The following CACNA1D variants were observed in gnomAD, a reference collection of about 807,000 sequenced individuals.
The protein encoded by CACNA1D is calcium voltage-gated channel subunit alpha1 D, also known as voltage-dependent L-type calcium channel subunit alpha-1D.
In CACNA1D, 55 loss-of-function variants were observed where a neutral mutation model predicts 257.1. The observed-to-expected ratio is 0.21, with a 90% confidence interval of 0.17 to 0.27. CACNA1D has a LOEUF of 0.27. Ranked by LOEUF, CACNA1D falls within the 10% of genes least tolerant of loss-of-function variation. CACNA1D has a pLI of 1.00. For synonymous variants in CACNA1D, 980 were observed against 1,014.9 expected (o/e 0.97, Z 0.65); for missense variants, 1,876 against 2,784.0 (o/e 0.67, Z 7.34).
intron 3 of CACNA1D, among the ~76,000 whole-genome samples, chr3:53,636,902 G>A (rs182187636): frequency 5.9e-5 from 9 of 152,254 alleles, no homozygotes; most frequent in Admixed American, 6.5e-5. Flanking sequence ...TTCATTCAAC[G>A]GTTAAGGTGA....
chr3:53,526,507 G>A (rs943372354), intron 3 of CACNA1D, among the ~76,000 whole-genome samples: 1 of 152,224 alleles, frequency 6.6e-6, no homozygotes, highest in Non-Finnish European at 1.5e-5. Context: ...TAGAGGTGGG[G>A]TGGAAAACTT....
At chr3:53,772,777 C>T (rs563291453) in intron 32 of CACNA1D, 56 bp from the exon 33 acceptor site, 563 of 1,357,120 alleles carry the variant, frequency 4.1e-4, no homozygotes, top group African/African-American at 2.1e-3. Flanking sequence ...CAGGCTGTGG[C>T]GGGCCGTCAC....
chr3:53,571,829 A>C (rs1211438168), intron 3 of CACNA1D, among the ~76,000 whole-genome samples: 1 of 152,186 alleles, frequency 6.6e-6, no homozygotes, highest in Admixed American at 6.5e-5. Flanking sequence ...GATGACTGTG[A>C]CTGTCCCAAG....
intron 8 of CACNA1D, among the ~76,000 whole-genome samples, chr3:53,684,299 A>G (rs1039822320): frequency 1.3e-5 from 2 of 152,182 alleles, no homozygotes; most frequent in African/African-American, 4.8e-5. Context: ...AAATAATACC[A>G]GATAGAAACG....
chr3:53,501,541 G>A, intron 2 of CACNA1D, 74 bp from the exon 3 acceptor site: 1 of 802,894 alleles, frequency 1.2e-6, no homozygotes. Context: ...TTTGAAAGTG[G>A]TGTGATCGGG....
chr3:53,677,021 A>G (rs762421495), intron 8 of CACNA1D, among the ~76,000 whole-genome samples: 4 of 152,264 alleles, frequency 2.6e-5, no homozygotes, highest in Non-Finnish European at 4.4e-5. Context: ...CAATTCAGAC[A>G]TATTACACGT....
chr3:53,519,623 T>A (rs2091475251), intron 3 of CACNA1D, among the ~76,000 whole-genome samples: 1 of 152,226 alleles, frequency 6.6e-6, no homozygotes, highest in South Asian at 2.1e-4. Flanking sequence ...GTTCATACTT[T>A]TTAAAAGAAG....
chr3:53,657,976 A>G (rs1365921432), intron 4 of CACNA1D, among the ~76,000 whole-genome samples: 1 of 152,238 alleles, frequency 6.6e-6, no homozygotes. Context: ...TCCAAATTTC[A>G]ATAAAGATAT....
At chr3:53,788,349 A>G (rs889365435) in intron 40 of CACNA1D, among the ~76,000 whole-genome samples, 1 of 152,140 alleles carries the variant, frequency 6.6e-6, no homozygotes, top group African/African-American at 2.4e-5. Flanking sequence ...CACGTATCCT[A>G]AAGGTAGCTG....
intron 3 of CACNA1D, among the ~76,000 whole-genome samples, chr3:53,546,269 G>T (rs935562609): frequency 6.6e-6 from 1 of 152,298 alleles, no homozygotes; most frequent in African/African-American, 2.4e-5. Context: ...TGGGAGGGAG[G>T]TGTGGGCCCT....
intron 3 of CACNA1D, among the ~76,000 whole-genome samples, chr3:53,553,830 T>C (rs2092584841): frequency 6.6e-6 from 1 of 151,184 alleles, no homozygotes; most frequent in Non-Finnish European, 1.5e-5. Context: ...AGTTCAAAGG[T>C]TCTTCTAAGG....
chr3:53,804,839 T>C, intron 44 of CACNA1D, 144 bp from the exon 45 acceptor site: 1 of 803,442 alleles, frequency 1.2e-6, no homozygotes, highest in Non-Finnish European at 2.1e-6. Context: ...GAATCTTCCA[T>C]GAAACTGAGG....
At position 53,497,053 on chromosome 3, in the gene CACNA1D, T is replaced by C. The variant is rs1575671089; in HGVS notation, c.68-99T>C. ...AAAATGGAAACATAGGAGTGAATGA[T>C]TCCCCTGTTATTGATGGGAGACAAC... On this transcript the variant is annotated intron_variant, in intron 1 of 47. Coordinates refer to ENST00000350061, the MANE Select transcript of CACNA1D (RefSeq NM_001128840.3). 3.4e-5 allele frequency: 30 copies of C among 883,792 alleles called. No individual in the cohort carries two copies. The East Asian group carries it at 7.1e-4, about 21-fold the overall frequency. The allele number at this position is 883,792 out of a possible 1,614,324, so 54.7% of individuals were successfully genotyped here.
At chr3:53,745,934 T>C in intron 25 of CACNA1D, 59 bp downstream of exon 25, 1 of 1,320,900 alleles carries the variant, frequency 7.6e-7, no homozygotes, top group Non-Finnish European at 1.1e-6. Context: ...ACTTCAAGGA[T>C]TCACACATGT....
chr3:53,709,549 G>A (rs575617362), intron 9 of CACNA1D, among the ~76,000 whole-genome samples: 1 of 152,230 alleles, frequency 6.6e-6, no homozygotes, highest in Non-Finnish European at 1.5e-5. Flanking sequence ...TACCCATAGT[G>A]TGCAGGTGTC....
At chr3:53,719,616 C>G in intron 10 of CACNA1D, 139 bp from the exon 11 acceptor site, 4 of 817,274 alleles carry the variant, frequency 4.9e-6, no homozygotes, top group Non-Finnish European at 8.8e-6. Flanking sequence ...GGCCTTGCCC[C>G]TGCTGGCCTG....
At chr3:53,734,985 C>A (rs2095043514) in intron 19 of CACNA1D, among the ~76,000 whole-genome samples, 1 of 152,178 alleles carries the variant, frequency 6.6e-6, no homozygotes, top group Admixed American at 6.5e-5. Context: ...AGATGAGTTT[C>A]TTGTCATAGT....
At chr3:53,804,897 G>A in intron 44 of CACNA1D, 86 bp from the exon 45 acceptor site, 8 of 1,245,898 alleles carry the variant, frequency 6.4e-6, no homozygotes, top group Middle Eastern at 1.9e-4. Flanking sequence ...GAGGAGGCGG[G>A]GAGAGGAGTA....
At chr3:53,621,833 TATA>T (rs1274046145) in intron 3 of CACNA1D, among the ~76,000 whole-genome samples, 1 of 152,180 alleles carries the variant, frequency 6.6e-6, no homozygotes, top group African/African-American at 2.4e-5. Context: ...TAATAGAAGA[TATA>T]ATGGCCAAGA....
Sources: gnomAD v4.1 joint callset for allele counts (sites outside exome capture counted in the v4.1 genomes callset) on GRCh38, gnomAD v4.1.1 for gene constraint, MANE v1.5 for transcripts, NCBI Gene and HGNC (gene_info 2026-07-23, HGNC 2026-07-21) for gene names.